Variants in UTP6 observed in about 807,000 individuals in gnomAD.
UTP6 encodes UTP6 small subunit processome component.
Under a neutral mutation model 96.5 loss-of-function variants are expected in UTP6, and 60 were observed. The observed-to-expected ratio is 0.62, with a 90% CI of 0.51 to 0.77. The LOEUF is 0.77. UTP6 is among the 30% of genes least tolerant of loss of function. The pLI, the probability that UTP6 is intolerant of heterozygous loss-of-function variation, is 0.00. For missense variants in UTP6, 637 were observed against 706.5 expected (o/e 0.90, Z 1.12); for synonymous variants, 215 against 240.1 (o/e 0.90, Z 0.96).
intron 2 of UTP6, among the ~76,000 whole-genome samples, chr17:31,897,073 G>A (rs2142326689): frequency 6.6e-6 from 1 of 150,996 alleles, no homozygotes; most frequent in Middle Eastern, 3.4e-3. Flanking sequence ...GATCACTTGA[G>A]CCCAGGAGTT....
intron 13 of UTP6, among the ~76,000 whole-genome samples, chr17:31,875,886 T>C (rs1370142148): frequency 2.0e-5 from 3 of 151,970 alleles, no homozygotes; most frequent in African/African-American, 7.2e-5. Flanking sequence ...AAACAAATTT[T>C]CCATGGCTGT....
In UTP6 at chr17:31,861,951, T is replaced by C. The variant is rs1272597893; in HGVS notation, c.*1408A>G. 5 of 152,130 alleles carry C rather than the reference T, an allele frequency of 3.3e-5. No homozygotes were observed. Among genetic ancestry groups the C allele is most frequent in the African/African-American group, 1.2e-4 (5 of 41,418 alleles). 9.4% of individuals were successfully genotyped at this position (152,130 alleles called of 1,614,324 possible). A position where few individuals can be genotyped will look rare whatever the true frequency, so the allele number is the denominator to read the frequency against. On this transcript the variant is annotated 3_prime_UTR_variant, in exon 19 of 19. Coordinates refer to ENST00000261708, the MANE Select transcript of UTP6 (RefSeq NM_018428.3). ...AAATGGCCAGGGATGTGAACAAAGA[T>C]TGACAAGAATCTTCATCAACAGCAT...
In UTP6 at chr17:31,879,076, A is replaced by G. The variant is rs143508476; in HGVS notation, c.968-295T>C. ...TGCCTTTATTCTACATTATTACAAA[A>G]TAAAAATTAAATCACTTTCCAAAGA... On this transcript the variant is annotated intron_variant, in intron 11 of 18. Transcript: ENST00000261708. Among the ~76,000 whole-genome samples, 23 of 152,300 alleles carry G rather than the reference A, an allele frequency of 1.5e-4. 2 individuals are homozygous for G. The East Asian group carries it at 4.4e-3, about 29-fold the overall frequency.
At chr17:31,889,581 C>G (rs1442863472) in intron 6 of UTP6, among the ~76,000 whole-genome samples, 178 bp from the exon 7 acceptor site, 1 of 150,848 alleles carries the variant, frequency 6.6e-6, no homozygotes, top group Non-Finnish European at 1.5e-5. Flanking sequence ...ACTACAAGCT[C>G]CGCCTCCCAG....
Position 31,894,757 on chromosome 17 carries a change from A to G in UTP6, c.220-20T>C. The G allele has an allele frequency of 1.3e-6, 2 of 1,587,408 alleles. No homozygotes were observed. Among genetic ancestry groups the G allele is most frequent in the Non-Finnish European group, 1.7e-6 (2 of 1,160,250 alleles). ...AATGCGCTAAAGGGGGACATAAAAA[A>G]ACAGAGCCTCAACTTAATCATATTT... On this transcript the variant is annotated intron_variant, in intron 3 of 18. Transcript: ENST00000261708.
intron 2 of UTP6, among the ~76,000 whole-genome samples, chr17:31,896,874 G>A (rs563404101): frequency 2.0e-5 from 3 of 152,050 alleles, no homozygotes; most frequent in East Asian, 1.9e-4. Context: ...GGGCTCAAGC[G>A]ATCTGCCTGT....
chr17:31,868,262 G>T, intron 16 of UTP6, 150 bp from the exon 17 acceptor site: 1 of 483,524 alleles, frequency 2.1e-6, no homozygotes. Flanking sequence ...CTGATGGCCA[G>T]TCATTCTCAC....
At chr17:31,880,427 A>G (rs1910755848) in intron 11 of UTP6, 146 bp downstream of exon 11, 1 of 400,674 alleles carries the variant, frequency 2.5e-6, no homozygotes, top group Admixed American at 5.7e-5. Flanking sequence ...CCTCCCAATA[A>G]AAAAAAAAAA....
At chr17:31,872,059 G>A (rs553888391) in intron 16 of UTP6, among the ~76,000 whole-genome samples, 4 of 151,942 alleles carry the variant, frequency 2.6e-5, no homozygotes, top group South Asian at 2.1e-4. Flanking sequence ...GCCGGGCGTC[G>A]TGGCACATGC....
chr17:31,892,001 CGACA>C (rs1407961947), intron 6 of UTP6: 1 of 405,910 alleles, frequency 2.5e-6, no homozygotes, highest in Non-Finnish European at 4.6e-6. Context: ...CCAGCCTGGG[CGACA>C]GAGCGAGACT....
intron 18 of UTP6, 152 bp downstream of exon 18, chr17:31,865,214 T>C (rs1211063260): frequency 7.8e-6 from 5 of 637,992 alleles, no homozygotes; most frequent in Non-Finnish European, 1.3e-5. Context: ...GGTTTCACCA[T>C]ATTGGCCAGG....
At chr17:31,893,882 C>T (rs890490457) in intron 4 of UTP6, among the ~76,000 whole-genome samples, 42 of 151,926 alleles carry the variant, frequency 2.8e-4, no homozygotes, top group African/African-American at 1.0e-3. Context: ...TCCAAAAAAA[C>T]TTTGTTATCT....
At chr17:31,872,071 T>A (rs1910203022) in intron 16 of UTP6, among the ~76,000 whole-genome samples, 1 of 151,742 alleles carries the variant, frequency 6.6e-6, no homozygotes, top group South Asian at 2.1e-4. Context: ...GGCACATGCC[T>A]GTAATCCCAG....
chr17:31,861,794 G>A lies in UTP6; in HGVS notation c.*1565C>T, dbSNP rs1019892437. 6.6e-6 allele frequency: 1 copy of A among 152,136 alleles called. No homozygotes were observed. The highest frequency in any genetic ancestry group is 2.4e-5 in the African/African-American group (1 of 41,426). The allele number at this position is 152,136 out of a possible 1,614,324, so 9.4% of individuals were successfully genotyped here. On this transcript the variant is annotated 3_prime_UTR_variant, in exon 19 of 19. Coordinates refer to ENST00000261708, the MANE Select transcript of UTP6 (RefSeq NM_018428.3). Reference sequence around the variant, plus strand: ...AAAAATAAAAGATATAATTACACCAGTACAGGTAAGGGTACTGACACTTTC... The same window carrying A: ...AAAAATAAAAGATATAATTACACCAATACAGGTAAGGGTACTGACACTTTC...
chr17:31,865,270 C>A, intron 18 of UTP6, 96 bp downstream of exon 18: 1 of 1,340,644 alleles, frequency 7.5e-7, no homozygotes, highest in Non-Finnish European at 1.1e-6. Flanking sequence ...GCCTTGGCCT[C>A]CCAAAGTGCT....
chr17:31,890,808 G>A (rs1000649338), intron 6 of UTP6, among the ~76,000 whole-genome samples: 10 of 150,836 alleles, frequency 6.6e-5, no homozygotes, highest in African/African-American at 1.5e-4. Flanking sequence ...CCAACATGGC[G>A]AAACCCCATC....
chr17:31,900,298 TG>T (rs1324921293), intron 1 of UTP6, among the ~76,000 whole-genome samples: 4 of 152,020 alleles, frequency 2.6e-5, no homozygotes, highest in South Asian at 2.1e-4. Flanking sequence ...TTATGTATGG[TG>T]TTTTTTTTGT....
intron 16 of UTP6, among the ~76,000 whole-genome samples, chr17:31,869,891 T>C (rs1044199726): frequency 6.6e-6 from 1 of 152,162 alleles, no homozygotes; most frequent in Non-Finnish European, 1.5e-5. Flanking sequence ...GTGTACCCAA[T>C]GTTTAGCTAT....
chr17:31,896,595 T>C (rs771943186), intron 2 of UTP6, among the ~76,000 whole-genome samples: 36 of 152,132 alleles, frequency 2.4e-4, no homozygotes, highest in Admixed American at 3.9e-4. Flanking sequence ...TCACATTTTG[T>C]GGCTTGTATT....
Sources: gnomAD v4.1 joint callset for allele counts (sites outside exome capture counted in the v4.1 genomes callset) on GRCh38, gnomAD v4.1.1 for gene constraint, MANE v1.5 for transcripts, NCBI Gene and HGNC (gene_info 2026-07-23, HGNC 2026-07-21) for gene names.